Variants in ALPK3 observed in about 807,000 individuals in gnomAD.
The protein encoded by ALPK3 is alpha kinase 3.
Under a neutral mutation model 140.0 loss-of-function variants are expected in ALPK3, and 102 were observed. That is an observed-to-expected ratio of 0.73 (90% CI 0.62 to 0.86). The LOEUF (loss-of-function observed/expected upper bound fraction) is 0.86, where lower values mean the gene tolerates loss of function less well. ALPK3 is among the 40% of genes least tolerant of loss of function. The pLI, the probability that ALPK3 is intolerant of heterozygous loss-of-function variation, is 0.00. For synonymous variants in ALPK3, 938 were observed against 898.5 expected, an observed-to-expected ratio of 1.04 and a Z score of -0.79; for missense variants, 2,254 against 2,208.2, an observed-to-expected ratio of 1.02 and a Z score of -0.42.
chr15:84,867,266 G>C (rs758041710), intron 12 of ALPK3, 51 bp from the exon 13 acceptor site: 2 of 1,588,272 alleles, frequency 1.3e-6, no homozygotes, highest in Admixed American at 3.4e-5. Flanking sequence ...AGATGTGGGG[G>C]CTTAGAGCCA....
chr15:84,817,815 G>C (rs1360220883), intron 1 of ALPK3, among the ~76,000 whole-genome samples: 1 of 152,174 alleles, frequency 6.6e-6, no homozygotes, highest in East Asian at 1.9e-4. Context: ...GGCAATTCGA[G>C]GCTCAAGAGA....
At chr15:84,828,434 G>A (rs1596146647) in intron 3 of ALPK3, among the ~76,000 whole-genome samples, 1 of 152,064 alleles carries the variant, frequency 6.6e-6, no homozygotes, top group African/African-American at 2.4e-5. Context: ...CTCAGGGCCC[G>A]CAGGACCCAC....
intron 12 of ALPK3, 96 bp from the exon 13 acceptor site, chr15:84,867,221 A>G (rs1964011892): frequency 3.9e-6 from 5 of 1,283,042 alleles, no homozygotes; most frequent in East Asian, 2.7e-5. Context: ...AGGAAGAGAC[A>G]TGGTTCTAAG....
Position 84,850,914 on chromosome 15 carries a change from A to ACACACACACC in ALPK3, c.1654-5477_1654-5476insACACACACCC, listed in dbSNP as rs1434291716. ...CACACACACACACACACACACACAC[A>ACACACACACC]CCCTCTGTCATAATGTTTAGTTAGA... On this transcript the variant is annotated intron_variant, in intron 5 of 13. Transcript: ENST00000258888. Among the ~76,000 whole-genome samples, 439 of 149,326 alleles carry ACACACACACC rather than the reference A, an allele frequency of 2.9e-3. 3 individuals are homozygous for ACACACACACC. Among genetic ancestry groups the ACACACACACC allele is most frequent in the African/African-American group, 0.01 (399 of 39,522 alleles).
chr15:84,818,391 A>C (rs1031887359), intron 1 of ALPK3, among the ~76,000 whole-genome samples: 1 of 152,340 alleles, frequency 6.6e-6, no homozygotes, highest in East Asian at 1.9e-4. Context: ...TCAAAGGCAC[A>C]CAGGCACACG....
Position 84,839,018 on chromosome 15 carries a change from A to G in ALPK3, c.343A>G (p.Thr115Ala). ...AGAGGTGACCTGGTACAAGGATGAT[A>G]CGGAGCTGGACCGCTACTGTGGCTT... ...EPEVTWYKDD[T>A]ELDRYCGLPK... The change falls in exon 4 of 14, where the codon ACG becomes GCG. Residue 115 changes from threonine to alanine, a missense_variant. Thr to Ala is a moderately conservative substitution (Grantham distance 58). Coordinates refer to ENST00000258888, the MANE Select transcript of ALPK3 (RefSeq NM_020778.5). 6.2e-7 allele frequency: 1 copy of G among 1,614,096 alleles called. No individual in the cohort carries two copies. Among genetic ancestry groups the G allele is most frequent in the Non-Finnish European group, 8.5e-7 (1 of 1,179,978 alleles).
At chr15:84,849,425 C>T (rs923165947) in intron 5 of ALPK3, among the ~76,000 whole-genome samples, 7 of 152,106 alleles carry the variant, frequency 4.6e-5, no homozygotes, top group African/African-American at 1.7e-4. Flanking sequence ...ATCTAATAGA[C>T]ATATATAGAA....
At chr15:84,848,794 C>T (rs911670553) in intron 5 of ALPK3, among the ~76,000 whole-genome samples, 1 of 152,104 alleles carries the variant, frequency 6.6e-6, no homozygotes, top group Non-Finnish European at 1.5e-5. Flanking sequence ...AAACACTAAT[C>T]AGATGAAAGC....
Position 84,862,700 on chromosome 15 carries a change from G to C in ALPK3, c.4195G>C (p.Gly1399Arg). The change falls in exon 10 of 14, where the codon GGG (glycine) becomes CGG (arginine). Residue 1399 changes from glycine to arginine, a missense_variant. By Grantham distance (125) the Gly-to-Arg change is moderately radical (BLOSUM62 -2). Around this residue, in one of 3 missense-constraint regions of ALPK3, gnomAD observed 2,088 missense variants for 2,022.9 expected, o/e 1.03. Coordinates refer to ENST00000258888, the MANE Select transcript of ALPK3 (RefSeq NM_020778.5). ...AKGLADSGCW[G>R]DKLFGRLVSE... is the part of the protein sequence containing the mutation. The stretch of plus-strand genomic sequence containing the variant: ...GGGTCTGGCTGACTCTGGCTGCTGG[G>C]GGGACAAGCTCTTTGGGCGACTGGT... 1 of 1,614,168 alleles carries C rather than the reference G, an allele frequency of 6.2e-7. No homozygotes were observed. The highest frequency in any genetic ancestry group is 8.5e-7 in the Non-Finnish European group (1 of 1,180,024).
rs917621488 is a variant in ALPK3 at position 84,817,405 on chromosome 15, G to A, written c.-48G>A. The A allele has an allele frequency of 6.5e-6, 8 of 1,235,906 alleles. No individual in the cohort carries two copies. The highest frequency in any genetic ancestry group is 8.1e-6 in the Non-Finnish European group (8 of 992,914). The allele number at this position is 1,235,906 out of a possible 1,614,324, so 76.6% of individuals were successfully genotyped here. A position where few individuals can be genotyped will look rare whatever the true frequency, so the allele number is the denominator to read the frequency against. On this transcript the variant is annotated 5_prime_UTR_variant, in exon 1 of 14. Transcript: ENST00000258888. ...CCCGGGGGCCGGGGCCTGGAGGACA[G>A]GCGAGGCAGCGGCGAGTGCGGGGCC...
In ALPK3 at chr15:84,850,879, T is replaced by TACACACACACACACACACAC. The variant is rs4040516; in HGVS notation, c.1654-5496_1654-5477dup. ...TCATATCTTTACACAGTTCCAGATATACACACACACACACACACACACACA... is the reference window on the plus strand; with the variant it reads ...TCATATCTTTACACAGTTCCAGATATACACACACACACACACACACACACACACACACACACACACACACA... On this transcript the variant is annotated intron_variant, in intron 5 of 13. Coordinates refer to ENST00000258888, the MANE Select transcript of ALPK3 (RefSeq NM_020778.5). Among the ~76,000 whole-genome samples the TACACACACACACACACACAC allele has an allele frequency of 4.2e-5, 6 of 142,472 alleles. No homozygotes were observed. In the East Asian group the frequency reaches 6.1e-4, roughly 15 times the overall value. 93.5% of individuals were successfully genotyped at this position (142,472 alleles called of 152,430 possible).
chr15:84,858,154 A>T lies in ALPK3; in HGVS notation c.3416A>T (p.Gln1139Leu). 6.2e-7 allele frequency: 1 copy of T among 1,607,910 alleles called. No homozygotes were observed. The highest frequency in any genetic ancestry group is 8.5e-7 in the Non-Finnish European group (1 of 1,177,672). Residue 1139 changes from glutamine to leucine, a missense_variant, in exon 6 of 14, where the codon CAA (glutamine) becomes CTA (leucine). Physicochemically the swap from Gln to Leu is moderately radical, Grantham distance 113. This residue lies in a region of ALPK3 where 2,088 missense variants were observed against 2,022.9 expected (regional missense o/e 1.03). Transcript: ENST00000258888. ...SAESIAQEPSQEEKFPGEALT... is the reference protein window; with the variant it reads ...SAESIAQEPSLEEKFPGEALT... ...GAGAGCATAGCCCAGGAGCCCTCCC[A>T]AGAGGAGAAGTTCCCAGGGGAGGCT...
chr15:84,839,849 G>C lies in ALPK3; in HGVS notation c.570G>C (p.Ala190=). The change falls in exon 5 of 14, where the codon GCG becomes GCC. Residue 190 remains alanine, a synonymous_variant. Coordinates refer to ENST00000258888, the MANE Select transcript of ALPK3 (RefSeq NM_020778.5). The part of the protein sequence containing the change: ...RWFAKLKRKA[A]AKLREIEQSW... ...TCGCCAAGTTGAAGCGCAAGGCTGC[G>C]GCAAAGCTGCGCGAGATCGAGCAGA... 6.2e-7 allele frequency: 1 copy of C among 1,614,088 alleles called. No individual in the cohort carries two copies. Among genetic ancestry groups the C allele is most frequent in the African/African-American group, 1.3e-5 (1 of 75,054 alleles).
At chr15:84,864,077 A>G (rs1320041391) in intron 11 of ALPK3, among the ~76,000 whole-genome samples, 1 of 152,168 alleles carries the variant, frequency 6.6e-6, no homozygotes, top group Non-Finnish European at 1.5e-5. Flanking sequence ...TGACCTTTGC[A>G]TACCTGGGGT....
At chr15:84,838,727 C>T (rs1050710757) in intron 3 of ALPK3, among the ~76,000 whole-genome samples, 8 of 151,860 alleles carry the variant, frequency 5.3e-5, no homozygotes, top group Non-Finnish European at 1.5e-5. Context: ...TCAAGCGATT[C>T]TCCTGCCTCA....
At chr15:84,864,785 G>T (rs1963985864) in intron 12 of ALPK3, 120 bp downstream of exon 12, 6 of 1,105,524 alleles carry the variant, frequency 5.4e-6, no homozygotes, top group Non-Finnish European at 7.7e-6. Context: ...ATTCTTTTTT[G>T]CTTTTCACAA....
At position 84,825,450 on chromosome 15, in the gene ALPK3, C is replaced by G. The variant is rs184768384; in HGVS notation, c.183-2034C>G. 3.8e-3 allele frequency among the ~76,000 whole-genome samples: 574 copies of G among 152,330 alleles called. 2 individuals carry two copies. Among genetic ancestry groups the G allele is most frequent in the African/African-American group, 0.013 (549 of 41,574 alleles). On this transcript the variant is annotated intron_variant, in intron 2 of 13. Coordinates refer to ENST00000258888, the MANE Select transcript of ALPK3 (RefSeq NM_020778.5). ...TCAGCCTCCCAAAGTGCTGGGATTA[C>G]AGGCGTGACCCACTGCACCTGGCCT... is the stretch of plus-strand genomic sequence containing the variant.
At chr15:84,847,208 G>GGGGA (rs1555434914) in intron 5 of ALPK3, among the ~76,000 whole-genome samples, 3 of 116,578 alleles carry the variant, frequency 2.6e-5, no homozygotes, top group African/African-American at 7.1e-5. Context: ...GGAGAAACGG[G>GGGGA]GAGAGAGAGA....
At chr15:84,822,640 G>A (rs1385334439) in intron 1 of ALPK3, among the ~76,000 whole-genome samples, 2 of 152,174 alleles carry the variant, frequency 1.3e-5, no homozygotes, top group Non-Finnish European at 2.9e-5. Context: ...CCACTAAGGG[G>A]CGGTCCTGTG....
Sources: allele counts gnomAD v4.1 joint callset (sites outside exome capture counted in the v4.1 genomes callset), GRCh38; gene constraint gnomAD v4.1.1; regional missense constraint gnomAD v4.1.1; transcripts MANE v1.5; gene names NCBI Gene and HGNC (gene_info 2026-07-23, HGNC 2026-07-21).